SBF2: variants seen among roughly 807,000 people sequenced by gnomAD.
The protein encoded by SBF2 is SET binding factor 2.
Under a neutral mutation model 225.2 loss-of-function variants are expected in SBF2, and 112 were observed. That is an observed-to-expected ratio of 0.50 (90% CI 0.43 to 0.58). SBF2 has a LOEUF of 0.58. SBF2 is among the 20% of genes least tolerant of loss of function. The pLI is 0.00. For missense variants in SBF2, 1,996 were observed against 2,206.2 expected (o/e 0.90, Z 1.91); for synonymous variants, 763 against 773.3 (o/e 0.99, Z 0.22).
At chr11:9,842,477 C>A in intron 25 of SBF2, 148 bp downstream of exon 25, 1 of 725,630 alleles carries the variant, frequency 1.4e-6, no homozygotes, top group South Asian at 1.8e-5. Flanking sequence ...AATATTTTTC[C>A]CCCAGTTCTA....
At position 9,976,040 on chromosome 11, in the gene SBF2, A is replaced by G. The variant is rs138983957; in HGVS notation, c.1396-7495T>C. ...AATGAAATATCCATAAGGCACAATT[A>G]TAAATCTCATATTCTTCTTCTTCTT... is the stretch of plus-strand genomic sequence containing the variant. On this transcript the variant is annotated intron_variant, in intron 13 of 39. Coordinates refer to ENST00000256190, the MANE Select transcript of SBF2 (RefSeq NM_030962.4). Among the ~76,000 whole-genome samples the G allele has an allele frequency of 1.7e-3, 256 of 150,456 alleles. 1 individual carries two copies. The highest frequency in any genetic ancestry group is 8.0e-3 in the South Asian group (38 of 4,748).
Position 10,244,387 on chromosome 11 carries a change from T to C in SBF2, c.55+49628A>G, listed in dbSNP as rs192573311. ...TGTGAACAGACTGTTCTTTCCTCAT[T>C]GTGTATTCTTGGCACCCTTGTAAAA... On this transcript the variant is annotated intron_variant, in intron 1 of 39. Coordinates refer to ENST00000256190, the MANE Select transcript of SBF2 (RefSeq NM_030962.4). 2.0e-5 allele frequency among the ~76,000 whole-genome samples: 3 copies of C among 152,348 alleles called. No homozygotes were observed. The East Asian group carries it at 5.8e-4, about 29-fold the overall frequency.
chr11:10,249,614 G>A (rs1239456866), intron 1 of SBF2, among the ~76,000 whole-genome samples: 1 of 151,952 alleles, frequency 6.6e-6, no homozygotes, highest in Non-Finnish European at 1.5e-5. Context: ...AATATCAAGT[G>A]TTTTATACCT....
chr11:9,921,281 G>A (rs780632580), intron 16 of SBF2, among the ~76,000 whole-genome samples: 1 of 152,008 alleles, frequency 6.6e-6, no homozygotes, highest in African/African-American at 2.4e-5. Flanking sequence ...TGTTGGTCAG[G>A]TTGGTCTCCT....
intron 2 of SBF2, among the ~76,000 whole-genome samples, chr11:10,129,172 T>C (rs1953906803): frequency 6.7e-6 from 1 of 150,292 alleles, no homozygotes; most frequent in South Asian, 2.1e-4. Flanking sequence ...GGCACGATCT[T>C]GGCTTACTGC....
Position 9,873,777 on chromosome 11 carries a change from G to A in SBF2, c.1930-15381C>T, listed in dbSNP as rs542285630. Among the ~76,000 whole-genome samples, 7 of 152,280 alleles carry A rather than the reference G, an allele frequency of 4.6e-5. No individual in the cohort carries two copies. The South Asian group carries it at 1.2e-3, about 27-fold the overall frequency. On this transcript the variant is annotated intron_variant, in intron 17 of 39. Transcript: ENST00000256190. ...AAAGAGCATATTTCTGGCCGGGCAC[G>A]GTGGCTCACGCCTGTAATCCCAGCA...
At chr11:10,222,654 T>C (rs1170366803) in intron 1 of SBF2, among the ~76,000 whole-genome samples, 1 of 152,132 alleles carries the variant, frequency 6.6e-6, no homozygotes, top group East Asian at 1.9e-4. Flanking sequence ...TGCTAAAAGA[T>C]TTCTGAAGGT....
At chr11:10,233,204 G>A (rs1365620082) in intron 1 of SBF2, among the ~76,000 whole-genome samples, 2 of 151,872 alleles carry the variant, frequency 1.3e-5, no homozygotes. Context: ...TATACAAATT[G>A]AACTCTTTAA....
Position 10,279,105 on chromosome 11 carries a change from T to TAAAAA in SBF2, c.55+14909_55+14910insTTTTT, listed in dbSNP as rs1459983511. 3.1e-3 allele frequency among the ~76,000 whole-genome samples: 238 copies of TAAAAA among 77,548 alleles called. 4 individuals carry two copies. The highest frequency in any genetic ancestry group is 7.1e-3 in the East Asian group (20 of 2,808). 50.9% of individuals were successfully genotyped at this position (77,548 alleles called of 152,430 possible). ...CAACAGAACAAGACCCGGTCTTGTATTAAAAAAAAAAAAAAAAAAAAAAAA... is the reference window on the plus strand; with the variant it reads ...CAACAGAACAAGACCCGGTCTTGTATAAAAATAAAAAAAAAAAAAAAAAAAAAAAA... On this transcript the variant is annotated intron_variant, in intron 1 of 39. Coordinates refer to ENST00000256190, the MANE Select transcript of SBF2 (RefSeq NM_030962.4).
At chr11:10,011,374 ACAC>A (rs910060528) in intron 6 of SBF2, among the ~76,000 whole-genome samples, 3 of 152,088 alleles carry the variant, frequency 2.0e-5, no homozygotes, top group Admixed American at 2.0e-4. Context: ...CCATAGGTGT[ACAC>A]CACCACATCT....
intron 2 of SBF2, among the ~76,000 whole-genome samples, chr11:10,054,501 A>T (rs1229454942): frequency 2.0e-5 from 3 of 152,216 alleles, no homozygotes; most frequent in African/African-American, 7.2e-5. Context: ...TTTACATTTA[A>T]AAATTTCATG....
At chr11:9,921,298 G>C (rs902155145) in intron 16 of SBF2, among the ~76,000 whole-genome samples, 1 of 152,048 alleles carries the variant, frequency 6.6e-6, no homozygotes, top group African/African-American at 2.4e-5. Context: ...TCCTACTCCC[G>C]ACCTCAGGTT....
intron 1 of SBF2, among the ~76,000 whole-genome samples, chr11:10,281,588 C>T (rs1270345716): frequency 2.6e-5 from 4 of 152,114 alleles, no homozygotes; most frequent in Non-Finnish European, 5.9e-5. Context: ...TTCTGTGGTT[C>T]CTTTTCTTTT....
At chr11:10,153,978 T>C (rs186633905) in intron 2 of SBF2, among the ~76,000 whole-genome samples, 2 of 152,202 alleles carry the variant, frequency 1.3e-5, no homozygotes, top group Admixed American at 1.3e-4. Context: ...TGTCCATATA[T>C]GTATGGGTCT....
At chr11:10,126,606 AAAATATTATATTTAGTAAAT>A (rs1247267855) in intron 2 of SBF2, among the ~76,000 whole-genome samples, 1 of 152,120 alleles carries the variant, frequency 6.6e-6, no homozygotes, top group Non-Finnish European at 1.5e-5. Flanking sequence ...AGGTGGGAAT[AAAATATTATATTTAGTAAAT>A]AAATACTGAA....
intron 32 of SBF2, among the ~76,000 whole-genome samples, chr11:9,797,414 T>G (rs530555695): frequency 6.6e-6 from 1 of 152,304 alleles, no homozygotes; most frequent in African/African-American, 2.4e-5. Flanking sequence ...GAAGATGCAT[T>G]AAAAAAGAGT....
intron 2 of SBF2, among the ~76,000 whole-genome samples, chr11:10,129,839 TAAAC>T (rs576407665): frequency 1.2e-4 from 18 of 151,840 alleles, no homozygotes; most frequent in East Asian, 3.9e-4. Context: ...CCCCCATCTC[TAAAC>T]AAACAAACAA....
At chr11:10,080,190 G>GT (rs368445627) in intron 2 of SBF2, among the ~76,000 whole-genome samples, 4 of 145,278 alleles carry the variant, frequency 2.8e-5, no homozygotes, top group African/African-American at 1.0e-4. Context: ...AGAGGTTGCA[G>GT]TGAGCCGAGG....
chr11:10,297,000 C>A (rs1259734906), upstream of SBF2, among the ~76,000 whole-genome samples: 2 of 152,110 alleles, frequency 1.3e-5, no homozygotes, highest in Non-Finnish European at 2.9e-5. Context: ...ATTGCTAAAT[C>A]TTCTTTGGAG....
Sources: gnomAD v4.1 joint callset for allele counts (sites outside exome capture counted in the v4.1 genomes callset) on GRCh38, gnomAD v4.1.1 for gene constraint, MANE v1.5 for transcripts, NCBI Gene and HGNC (gene_info 2026-07-23, HGNC 2026-07-21) for gene names.